Variants in EPHA6 observed in about 807,000 individuals in gnomAD.
EPHA6 encodes the protein ephrin type-A receptor 6.
A neutral mutation model predicts 112.0 loss-of-function variants in EPHA6; 50 were observed. The ratio of observed to expected loss-of-function variants is 0.45; its 90% CI spans 0.36 to 0.56. EPHA6 has a LOEUF of 0.56. Among genes scored for constraint, EPHA6 ranks in the 20% least tolerant of loss-of-function variants. EPHA6 has a pLI of 0.00. For synonymous variants in EPHA6, 529 were observed against 490.7 expected, an observed-to-expected ratio of 1.08 and a Z score of -1.03; for missense variants, 1,280 against 1,417.4, an observed-to-expected ratio of 0.90 and a Z score of 1.56.
intron 1 of EPHA6, among the ~76,000 whole-genome samples, chr3:96,822,351 A>C (rs1184459566): frequency 6.6e-6 from 1 of 151,842 alleles, no homozygotes; most frequent in East Asian, 1.9e-4. Context: ...GTATGTTTTA[A>C]CTGAGCTTTG....
intron 10 of EPHA6, among the ~76,000 whole-genome samples, chr3:97,492,070 T>C (rs1396087339): frequency 6.6e-6 from 1 of 152,112 alleles, no homozygotes; most frequent in Non-Finnish European, 1.5e-5. Flanking sequence ...ACATAGCTGA[T>C]AGATTTTTTT....
chr3:97,292,348 T>C (rs139710227), intron 5 of EPHA6, among the ~76,000 whole-genome samples: 147 of 152,356 alleles, frequency 9.6e-4, no homozygotes, highest in African/African-American at 3.4e-3. Flanking sequence ...GTTTCAGCCC[T>C]GTTTATGTTA....
chr3:96,973,478 A>G (rs2042393531), intron 2 of EPHA6, among the ~76,000 whole-genome samples: 1 of 152,136 alleles, frequency 6.6e-6, no homozygotes, highest in African/African-American at 2.4e-5. Context: ...TAATTATTAT[A>G]AATATCTATA....
At chr3:97,330,721 T>C (rs1370027589) in intron 5 of EPHA6, among the ~76,000 whole-genome samples, 1 of 152,040 alleles carries the variant, frequency 6.6e-6, no homozygotes, top group Admixed American at 6.6e-5. Context: ...ATGCACCCAA[T>C]ACAGGAGCAC....
chr3:96,889,470 A>G (rs1173407531), intron 2 of EPHA6, among the ~76,000 whole-genome samples: 1 of 152,192 alleles, frequency 6.6e-6, no homozygotes, highest in Non-Finnish European at 1.5e-5. Flanking sequence ...CACTTCTTAC[A>G]TGGTGGTGGC....
intron 1 of EPHA6, among the ~76,000 whole-genome samples, chr3:96,829,947 GCGCACA>G (rs1163251639): frequency 5.7e-5 from 4 of 70,460 alleles, no homozygotes; most frequent in African/African-American, 8.8e-5. Flanking sequence ...GTGCGCGCGC[GCGCACA>G]CACACACACA....
chr3:97,272,124 T>A (rs556373737), intron 5 of EPHA6, among the ~76,000 whole-genome samples: 5 of 152,358 alleles, frequency 3.3e-5, no homozygotes, highest in Admixed American at 3.3e-4. Flanking sequence ...TTCCATTCTC[T>A]GTTTCTATTT....
intron 3 of EPHA6, among the ~76,000 whole-genome samples, chr3:97,131,538 T>C (rs1407244168): frequency 6.6e-6 from 1 of 152,154 alleles, no homozygotes; most frequent in Non-Finnish European, 1.5e-5. Context: ...TGTGAATTTT[T>C]ATTGTATTTA....
intron 5 of EPHA6, among the ~76,000 whole-genome samples, chr3:97,337,577 C>A (rs1390543319): frequency 6.6e-6 from 1 of 152,092 alleles, no homozygotes; most frequent in Non-Finnish European, 1.5e-5. Flanking sequence ...AAAGCAATAT[C>A]CATTGCCACA....
At chr3:97,011,995 T>G (rs1328163503) in intron 3 of EPHA6, among the ~76,000 whole-genome samples, 4 of 152,182 alleles carry the variant, frequency 2.6e-5, no homozygotes, top group Non-Finnish European at 5.9e-5. Flanking sequence ...TTTCTTTCTC[T>G]TTTTTGTGGC....
intron 14 of EPHA6, among the ~76,000 whole-genome samples, chr3:97,660,911 A>T (rs984007592): frequency 2.0e-5 from 3 of 152,122 alleles, no homozygotes; most frequent in African/African-American, 7.2e-5. Flanking sequence ...CTAAGACAGT[A>T]GTCTTGTTTT....
chr3:97,526,467 C>G (rs981258692), intron 10 of EPHA6, among the ~76,000 whole-genome samples: 19 of 88,340 alleles, frequency 2.2e-4, no homozygotes, highest in African/African-American at 8.4e-4. Flanking sequence ...TGTTGGCAAG[C>G]CTGACCCAGT....
At chr3:96,947,265 T>A (rs568463961) in intron 2 of EPHA6, among the ~76,000 whole-genome samples, 3 of 152,314 alleles carry the variant, frequency 2.0e-5, no homozygotes, top group African/African-American at 7.2e-5. Flanking sequence ...TATGCCTATG[T>A]CTTGAATGGT....
At position 97,752,135 on chromosome 3, in the gene EPHA6, T is replaced by C. The variant is rs935275437; in HGVS notation, c.*3434T>C. 10 of 223,876 alleles carry C rather than the reference T, an allele frequency of 4.5e-5. No homozygotes were observed. Among genetic ancestry groups the C allele is most frequent in the Non-Finnish European group, 8.0e-5 (9 of 112,208 alleles). The allele number at this position is 223,876 out of a possible 1,614,324, so 13.9% of individuals were successfully genotyped here. On this transcript the variant is annotated 3_prime_UTR_variant, in exon 18 of 18. Transcript: ENST00000389672. ...CAAAATAAGACATCTTATTTCACTC[T>C]GCATTGGTCTTTAAAATCTATCAAA...
At chr3:97,653,847 G>T (rs569403584) in intron 14 of EPHA6, among the ~76,000 whole-genome samples, 44 of 152,032 alleles carry the variant, frequency 2.9e-4, no homozygotes, top group Non-Finnish European at 5.0e-4. Context: ...GCAAAACATA[G>T]ATGAACGTAG....
chr3:97,587,604 A>C (rs1011643970), intron 11 of EPHA6, among the ~76,000 whole-genome samples: 4 of 152,188 alleles, frequency 2.6e-5, no homozygotes, highest in Non-Finnish European at 5.9e-5. Context: ...CTACATATTT[A>C]TGGCCAGGTT....
At chr3:97,496,265 C>T (rs930129169) in intron 10 of EPHA6, among the ~76,000 whole-genome samples, 43 of 152,142 alleles carry the variant, frequency 2.8e-4, no homozygotes, top group Middle Eastern at 3.4e-3. Flanking sequence ...GTTTCCTCCT[C>T]GCTTCAGCCT....
intron 16 of EPHA6, among the ~76,000 whole-genome samples, chr3:97,738,668 G>A (rs951767537): frequency 1.3e-5 from 2 of 152,188 alleles, no homozygotes; most frequent in South Asian, 4.1e-4. Flanking sequence ...AGAGCCCCAT[G>A]AGTGGCAAGC....
At chr3:97,575,724 A>C in intron 11 of EPHA6, among the ~76,000 whole-genome samples, 1 of 152,188 alleles carries the variant, frequency 6.6e-6, no homozygotes, top group Middle Eastern at 3.2e-3. Context: ...TCACATAGGC[A>C]CATTCGCATT....
Sources: gnomAD v4.1 joint callset for allele counts (sites outside exome capture counted in the v4.1 genomes callset) on GRCh38, gnomAD v4.1.1 for gene constraint, MANE v1.5 for transcripts, NCBI Gene and HGNC (gene_info 2026-07-23, HGNC 2026-07-21) for gene names.